Variants in FRY observed in about 807,000 individuals in gnomAD.
FRY encodes protein furry homolog.
In FRY, 128 loss-of-function variants were observed where a neutral mutation model predicts 348.4. The ratio of observed to expected loss-of-function variants is 0.37; its 90% CI spans 0.32 to 0.43. The LOEUF is 0.43. Ranked by LOEUF, FRY falls within the 20% of genes least tolerant of loss-of-function variation. FRY has a pLI of 1.00. For missense variants in FRY, 2,736 were observed against 3,695.2 expected (o/e 0.74, Z 6.73); for synonymous variants, 1,370 against 1,374.7 (o/e 1.00, Z 0.08).
chr13:32,141,416 C>T (rs1329403090), intron 11 of FRY, among the ~76,000 whole-genome samples: 4 of 152,206 alleles, frequency 2.6e-5, no homozygotes, highest in African/African-American at 4.8e-5. Flanking sequence ...ACTTAGATGG[C>T]TTTCTCTTTG....
chr13:32,073,251 G>A (rs1412646637), intron 1 of FRY, among the ~76,000 whole-genome samples: 1 of 152,186 alleles, frequency 6.6e-6, no homozygotes, highest in East Asian at 1.9e-4. Flanking sequence ...CCCTTCACAG[G>A]CTGGTTAAAA....
intron 1 of FRY, among the ~76,000 whole-genome samples, chr13:32,047,338 C>T (rs942750368): frequency 1.3e-5 from 2 of 152,288 alleles, no homozygotes; most frequent in South Asian, 4.1e-4. Flanking sequence ...TTTTTTGTGA[C>T]ATCTTCTTGA....
chr13:32,123,320 G>A (rs903033946), intron 4 of FRY, among the ~76,000 whole-genome samples: 9 of 152,080 alleles, frequency 5.9e-5, no homozygotes, highest in Non-Finnish European at 7.4e-5. Flanking sequence ...CCACAACCAC[G>A]TGCTTCTAAC....
At chr13:32,061,259 G>A in intron 1 of FRY, 2 of 476,798 alleles carry the variant, frequency 4.2e-6, no homozygotes, top group Non-Finnish European at 8.7e-6. Flanking sequence ...GCGGATGGGG[G>A]TGGAGGTAGC....
At chr13:32,129,850 A>C (rs1459622155) in intron 7 of FRY, among the ~76,000 whole-genome samples, 2 of 152,104 alleles carry the variant, frequency 1.3e-5, no homozygotes, top group Admixed American at 1.3e-4. Context: ...AGAACTAGAA[A>C]ATTGCCAGCA....
At chr13:32,218,960 C>T in intron 36 of FRY, 129 bp downstream of exon 36, 1 of 686,888 alleles carries the variant, frequency 1.5e-6, no homozygotes, top group Non-Finnish European at 2.7e-6. Context: ...ATTTAATCCA[C>T]CTATGCAGAT....
chr13:32,140,058 T>C (rs1370223000), intron 11 of FRY, among the ~76,000 whole-genome samples: 1 of 150,940 alleles, frequency 6.6e-6, no homozygotes, highest in Non-Finnish European at 1.5e-5. Context: ...AAAATGAATA[T>C]AATATACCAG....
At chr13:32,201,014 C>A (rs906402063) in intron 29 of FRY, among the ~76,000 whole-genome samples, 1 of 152,172 alleles carries the variant, frequency 6.6e-6, no homozygotes, top group Admixed American at 6.5e-5. Context: ...GCCGTGGCCC[C>A]CCTCCCCAGG....
intron 20 of FRY, among the ~76,000 whole-genome samples, chr13:32,176,912 A>G (rs1566112599): frequency 6.6e-6 from 1 of 152,192 alleles, no homozygotes; most frequent in Non-Finnish European, 1.5e-5. Context: ...TTCAATACAC[A>G]GAGATTCTGG....
Position 32,187,527 on chromosome 13 carries a change from G to A in FRY, c.3481-19G>A, listed in dbSNP as rs377058192. ...ATTCCAAGTTTCATTTCCATGTCTT[G>A]TTGTGTTTTTATCATCAGGCAATGT... On this transcript the variant is annotated intron_variant, in intron 27 of 60. Transcript: ENST00000542859. 8 of 1,415,364 alleles carry A rather than the reference G, an allele frequency of 5.7e-6. No homozygotes were observed. Among genetic ancestry groups the A allele is most frequent in the Middle Eastern group, 1.8e-4 (1 of 5,666 alleles). 87.7% of individuals were successfully genotyped at this position (1,415,364 alleles called of 1,614,324 possible).
chr13:32,175,296 C>A (rs1334910377), intron 19 of FRY, among the ~76,000 whole-genome samples: 1 of 152,084 alleles, frequency 6.6e-6, no homozygotes, highest in Non-Finnish European at 1.5e-5. Context: ...GTCTGAAATT[C>A]AGGTATATGT....
intron 39 of FRY, 78 bp from the exon 40 acceptor site, chr13:32,228,378 C>T: frequency 9.5e-7 from 1 of 1,051,206 alleles, no homozygotes; most frequent in Non-Finnish European, 1.5e-6. Flanking sequence ...CTTCCCTGCC[C>T]TCCTCTGTGG....
At chr13:32,175,885 T>G (rs1229574793) in intron 20 of FRY, among the ~76,000 whole-genome samples, 3 of 152,358 alleles carry the variant, frequency 2.0e-5, no homozygotes, top group Non-Finnish European at 4.4e-5. Context: ...TGCTCAGGAT[T>G]CTTAAGGAAA....
intron 11 of FRY, among the ~76,000 whole-genome samples, chr13:32,140,893 A>G (rs953493604): frequency 3.9e-5 from 6 of 152,208 alleles, no homozygotes; most frequent in Non-Finnish European, 7.3e-5. Context: ...GTAATATATT[A>G]AGGATTCCAC....
intron 14 of FRY, among the ~76,000 whole-genome samples, chr13:32,152,589 G>A (rs958319763): frequency 1.3e-5 from 2 of 152,066 alleles, no homozygotes; most frequent in Admixed American, 6.6e-5. Flanking sequence ...GCAAAATACT[G>A]AACCTCAGCC....
chr13:32,289,046 T>G (rs572081401), intron 58 of FRY, among the ~76,000 whole-genome samples: 1 of 152,256 alleles, frequency 6.6e-6, no homozygotes, highest in Admixed American at 6.5e-5. Flanking sequence ...CTTTTTGATG[T>G]CCTTTCCACA....
At chr13:32,115,272 A>AGGG (rs1878229142) in intron 3 of FRY, among the ~76,000 whole-genome samples, 1 of 152,186 alleles carries the variant, frequency 6.6e-6, no homozygotes, top group South Asian at 2.1e-4. Context: ...AAAGGAAGTG[A>AGGG]AGCCCGGCCT....
chr13:32,219,977 T>C (rs1326261908), intron 36 of FRY, among the ~76,000 whole-genome samples: 1 of 152,214 alleles, frequency 6.6e-6, no homozygotes. Flanking sequence ...GTTTAAGCCC[T>C]GGACAGCTTC....
rs1444443676 is a variant in FRY at position 32,291,925 on chromosome 13, TG to T, written c.8580+2183del. On this transcript the variant is annotated intron_variant, in intron 59 of 60. Transcript: ENST00000542859. ...ATTGCTGCAGTCTTATGATAAAACC[TG>T]AATGGATGAGGAGTTGCTTCTTATG... 7.7e-5 allele frequency: 34 copies of T among 442,456 alleles called. 1 individual carries two copies. The highest frequency in any genetic ancestry group is 6.3e-5 in the Non-Finnish European group (14 of 220,984). 27.4% of individuals were successfully genotyped at this position (442,456 alleles called of 1,614,324 possible). A position where few individuals can be genotyped will look rare whatever the true frequency, so the allele number is the denominator to read the frequency against.
Sources: allele counts gnomAD v4.1 joint callset (sites outside exome capture counted in the v4.1 genomes callset), GRCh38; gene constraint gnomAD v4.1.1; transcripts MANE v1.5; gene names NCBI Gene and HGNC (gene_info 2026-07-23, HGNC 2026-07-21).